The following XYLT1 variants were observed in gnomAD, a reference collection of about 807,000 sequenced individuals.
The protein encoded by XYLT1 is beta-D-xylosyltransferase 1.
XYLT1 carries 36 observed loss-of-function variants against 91.3 expected under a neutral mutation model. The ratio of observed to expected loss-of-function variants is 0.39; its 90% CI spans 0.30 to 0.52. The LOEUF (loss-of-function observed/expected upper bound fraction) is 0.52. Among genes scored for constraint, XYLT1 ranks in the 20% least tolerant of loss-of-function variants. XYLT1 has a pLI of 0.68. For missense variants in XYLT1, 1,242 were observed against 1,284.5 expected, an observed-to-expected ratio of 0.97 and a Z score of 0.51; for synonymous variants, 588 against 532.0, an observed-to-expected ratio of 1.11 and a Z score of -1.45.
intron 3 of XYLT1, among the ~76,000 whole-genome samples, chr16:17,256,709 C>T (rs1252625065): frequency 2.6e-5 from 4 of 151,272 alleles, no homozygotes; most frequent in Admixed American, 2.6e-4. Context: ...TCTTTTTAGT[C>T]TACTTTTCTG....
chr16:17,423,443 C>A (rs1384475602), intron 1 of XYLT1, among the ~76,000 whole-genome samples: 1 of 152,084 alleles, frequency 6.6e-6, no homozygotes, highest in Non-Finnish European at 1.5e-5. Flanking sequence ...AGGGCACTTC[C>A]TTGAGGGCTG....
chr16:17,116,721 A>G (rs972020957), intron 11 of XYLT1, among the ~76,000 whole-genome samples: 1 of 152,228 alleles, frequency 6.6e-6, no homozygotes, highest in Admixed American at 6.5e-5. Flanking sequence ...AGGAGATACT[A>G]AAACATTTTC....
chr16:17,428,597 C>A (rs2036347943), intron 1 of XYLT1, among the ~76,000 whole-genome samples: 1 of 152,158 alleles, frequency 6.6e-6, no homozygotes, highest in Non-Finnish European at 1.5e-5. Context: ...TTTGGTCTCT[C>A]CAAAAGTGCT....
At chr16:17,455,751 A>AT (rs1370129014) in intron 1 of XYLT1, among the ~76,000 whole-genome samples, 1 of 152,218 alleles carries the variant, frequency 6.6e-6, no homozygotes, top group East Asian at 1.9e-4. Flanking sequence ...GTCTGCGCAT[A>AT]AAGATGATGT....
intron 9 of XYLT1, among the ~76,000 whole-genome samples, chr16:17,133,066 C>T (rs995660765): frequency 6.6e-6 from 1 of 152,174 alleles, no homozygotes; most frequent in Non-Finnish European, 1.5e-5. Context: ...AGCTTGTAAG[C>T]AGAGTTTAAA....
chr16:17,143,314 AT>A (rs1462150611), intron 6 of XYLT1, among the ~76,000 whole-genome samples: 1 of 151,958 alleles, frequency 6.6e-6, no homozygotes, highest in African/African-American at 2.4e-5. Context: ...CACTATCACC[AT>A]TTTCACGTAT....
intron 1 of XYLT1, among the ~76,000 whole-genome samples, chr16:17,389,463 G>C (rs917589301): frequency 6.6e-6 from 1 of 152,188 alleles, no homozygotes; most frequent in African/African-American, 2.4e-5. Context: ...AACAATCATT[G>C]TAAGAGGCAG....
At chr16:17,183,037 T>C (rs1407543694) in intron 5 of XYLT1, among the ~76,000 whole-genome samples, 1 of 152,180 alleles carries the variant, frequency 6.6e-6, no homozygotes, top group Non-Finnish European at 1.5e-5. Context: ...GGTGATCGGC[T>C]TTCCCTCCCT....
chr16:17,209,465 TG>T (rs11324370), intron 3 of XYLT1, among the ~76,000 whole-genome samples: 44,877 of 152,138 alleles, frequency 0.29, 7,542 homozygotes, highest in East Asian at 0.54. Flanking sequence ...TGAACATGGG[TG>T]TACAAGTACC....
At chr16:17,442,009 T>C (rs945820546) in intron 1 of XYLT1, among the ~76,000 whole-genome samples, 1 of 151,782 alleles carries the variant, frequency 6.6e-6, no homozygotes, top group Non-Finnish European at 1.5e-5. Context: ...AGATTAACAT[T>C]TGCACTGGTG....
chr16:17,463,527 T>A (rs1400463359), intron 1 of XYLT1, among the ~76,000 whole-genome samples: 1 of 152,170 alleles, frequency 6.6e-6, no homozygotes, highest in Non-Finnish European at 1.5e-5. Flanking sequence ...TGAGATATCA[T>A]CTCACCCCAC....
intron 3 of XYLT1, among the ~76,000 whole-genome samples, chr16:17,201,054 T>C (rs752177884): frequency 1.3e-5 from 2 of 152,230 alleles, no homozygotes; most frequent in Non-Finnish European, 2.9e-5. Context: ...CCAGAATTCA[T>C]TCTCCCTTCT....
At chr16:17,272,235 C>CAT (rs2033907926) in intron 2 of XYLT1, among the ~76,000 whole-genome samples, 1 of 141,704 alleles carries the variant, frequency 7.1e-6, no homozygotes, top group Non-Finnish European at 1.5e-5. Context: ...GATCTTGGCT[C>CAT]ACTGCAACCT....
rs3812961 is a variant in XYLT1, at chr16:17,127,898, T to G, written c.2028-37A>C. On this transcript the variant is annotated intron_variant, in intron 9 of 11. Transcript: ENST00000261381. ...GGCGCTCATGCATTAGGGCCCAAGGTGTGTAGGATCACAGTGAGGCTCCCC... is the reference window on the plus strand; with the variant it reads ...GGCGCTCATGCATTAGGGCCCAAGGGGTGTAGGATCACAGTGAGGCTCCCC... 680,790 of 1,593,404 alleles carry G rather than the reference T, an allele frequency of 0.43. 156,510 individuals are homozygous for G. The highest frequency in any genetic ancestry group is 0.48 in the Non-Finnish European group (559,983 of 1,169,412).
At chr16:17,288,648 A>T (rs73527082) in intron 2 of XYLT1, among the ~76,000 whole-genome samples, 2,048 of 152,296 alleles carry the variant, frequency 0.013, 56 homozygotes, top group African/African-American at 0.047. Flanking sequence ...GGTGACCCTA[A>T]GTTTGGCTTC....
intron 2 of XYLT1, among the ~76,000 whole-genome samples, chr16:17,269,278 G>C (rs1004041185): frequency 1.3e-5 from 2 of 152,014 alleles, no homozygotes; most frequent in Admixed American, 6.6e-5. Context: ...TCAACCTCCT[G>C]ACCTCAAGCG....
chr16:17,217,091 TG>T (rs2032874788), intron 3 of XYLT1, among the ~76,000 whole-genome samples: 1 of 152,116 alleles, frequency 6.6e-6, no homozygotes, highest in Admixed American at 6.5e-5. Context: ...TTCACAACAG[TG>T]GGTAACAACG....
intron 3 of XYLT1, among the ~76,000 whole-genome samples, chr16:17,231,837 T>C (rs2033160725): frequency 6.6e-6 from 1 of 152,032 alleles, no homozygotes; most frequent in African/African-American, 2.4e-5. Flanking sequence ...GCAGAACTGG[T>C]AGTTGCTCTG....
intron 2 of XYLT1, chr16:17,338,639 G>A (rs912355596): frequency 3.4e-5 from 13 of 379,872 alleles, no homozygotes; most frequent in Non-Finnish European, 6.8e-5. Flanking sequence ...CTTTTTTTTG[G>A]GACGGAGTCT....
Sources: allele counts gnomAD v4.1 joint callset (sites outside exome capture counted in the v4.1 genomes callset), GRCh38; gene constraint gnomAD v4.1.1; transcripts MANE v1.5; gene names NCBI Gene and HGNC (gene_info 2026-07-23, HGNC 2026-07-21).